Variants in FSTL5 observed in about 807,000 individuals in gnomAD.
FSTL5 encodes the protein follistatin like 5, also known as follistatin-related protein 5.
Under a neutral mutation model 89.1 loss-of-function variants are expected in FSTL5, and 62 were observed. The observed-to-expected ratio is 0.70, with a 90% CI of 0.57 to 0.86. The LOEUF (loss-of-function observed/expected upper bound fraction) is 0.86, where lower values mean the gene tolerates loss of function less well. Among genes scored for constraint, FSTL5 ranks in the 40% least tolerant of loss-of-function variants. FSTL5 has a pLI of 0.00. For missense variants in FSTL5, 1,057 were observed against 1,001.6 expected (o/e 1.06, Z -0.75); for synonymous variants, 383 against 346.2 (o/e 1.11, Z -1.18).
intron 3 of FSTL5, among the ~76,000 whole-genome samples, chr4:162,019,070 T>C (rs1372455315): frequency 1.3e-5 from 2 of 152,158 alleles, no homozygotes; most frequent in Admixed American, 6.5e-5. Context: ...ACATTTGACT[T>C]TGTCAGTCAC....
At chr4:162,028,541 C>A (rs1264945039) in intron 3 of FSTL5, among the ~76,000 whole-genome samples, 3 of 152,164 alleles carry the variant, frequency 2.0e-5, no homozygotes, top group Admixed American at 1.3e-4. Context: ...CTTGCCACTG[C>A]ACTCCAGCCT....
At chr4:161,908,785 T>A (rs2110821210) in intron 4 of FSTL5, among the ~76,000 whole-genome samples, 1 of 152,246 alleles carries the variant, frequency 6.6e-6, no homozygotes, top group South Asian at 2.1e-4. Flanking sequence ...CACAGCACAA[T>A]GGCTAGTCTC....
At chr4:162,133,968 C>T (rs1206375356) in intron 1 of FSTL5, among the ~76,000 whole-genome samples, 1 of 152,128 alleles carries the variant, frequency 6.6e-6, no homozygotes, top group African/African-American at 2.4e-5. Flanking sequence ...ATTGGAAGGG[C>T]AATTAATCTT....
chr4:161,414,202 C>G (rs1400153075), intron 15 of FSTL5, among the ~76,000 whole-genome samples: 1 of 151,858 alleles, frequency 6.6e-6, no homozygotes, highest in Non-Finnish European at 1.5e-5. Context: ...ATAGTGAAAA[C>G]AAGTAGAAAT....
chr4:161,575,563 C>A (rs10024563), intron 8 of FSTL5, among the ~76,000 whole-genome samples: 7,170 of 152,014 alleles, frequency 0.047, 250 homozygotes, highest in East Asian at 0.16. Flanking sequence ...AAATGAATCT[C>A]CTGCCTCAGC....
At chr4:161,414,358 G>T (rs1731702417) in intron 15 of FSTL5, among the ~76,000 whole-genome samples, 1 of 152,032 alleles carries the variant, frequency 6.6e-6, no homozygotes, top group South Asian at 2.1e-4. Flanking sequence ...ATCTGTAGAA[G>T]ACCATAATAG....
chr4:162,001,593 A>G (rs1202168366), intron 3 of FSTL5, among the ~76,000 whole-genome samples: 1 of 98,156 alleles, frequency 1.0e-5, no homozygotes, highest in Non-Finnish European at 2.0e-5. Flanking sequence ...CTAAGGATAC[A>G]TGCATTGTGT....
chr4:161,666,300 A>G (rs576433271), intron 6 of FSTL5, among the ~76,000 whole-genome samples: 105 of 152,304 alleles, frequency 6.9e-4, no homozygotes, highest in African/African-American at 2.4e-3. Flanking sequence ...AAAATCTGAA[A>G]ATTGCTGAAC....
At chr4:161,766,085 C>T (rs537938310) in intron 5 of FSTL5, among the ~76,000 whole-genome samples, 20 of 152,202 alleles carry the variant, frequency 1.3e-4, no homozygotes, top group African/African-American at 2.6e-4. Flanking sequence ...TGAGCCACCG[C>T]GCCAGCTCCT....
chr4:161,879,650 C>A (rs150273063), intron 4 of FSTL5, among the ~76,000 whole-genome samples: 3 of 152,294 alleles, frequency 2.0e-5, no homozygotes, highest in Non-Finnish European at 4.4e-5. Context: ...ACCTCAGAAC[C>A]TTTTCAAGCT....
intron 4 of FSTL5, among the ~76,000 whole-genome samples, chr4:161,913,246 T>G (rs1228261542): frequency 6.6e-6 from 1 of 151,998 alleles, no homozygotes; most frequent in African/African-American, 2.4e-5. Flanking sequence ...GGGGAAAATG[T>G]CTCCAGGCCA....
intron 2 of FSTL5, among the ~76,000 whole-genome samples, chr4:162,069,318 T>C (rs1729499147): frequency 1.3e-5 from 2 of 152,162 alleles, no homozygotes; most frequent in South Asian, 2.1e-4. Context: ...AATATATGTA[T>C]ACAACATGTA....
At chr4:161,731,691 G>A (rs1324533581) in intron 6 of FSTL5, among the ~76,000 whole-genome samples, 1 of 151,490 alleles carries the variant, frequency 6.6e-6, no homozygotes, top group Non-Finnish European at 1.5e-5. Context: ...AACAGTGACT[G>A]TTTCTTGATT....
chr4:161,669,123 A>AAAAAT (rs1553956606), intron 6 of FSTL5, among the ~76,000 whole-genome samples: 6,070 of 143,194 alleles, frequency 0.042, 270 homozygotes, highest in South Asian at 0.16. Context: ...AAAAAAAAAA[A>AAAAAT]AAAATAAAAT....
At chr4:162,095,715 A>T (rs1730722809) in intron 2 of FSTL5, among the ~76,000 whole-genome samples, 1 of 152,022 alleles carries the variant, frequency 6.6e-6, no homozygotes, top group African/African-American at 2.4e-5. Context: ...GGGAAAATTA[A>T]ATGATATTGT....
chr4:161,418,198 T>C (rs1560885399), intron 15 of FSTL5, among the ~76,000 whole-genome samples: 1 of 152,154 alleles, frequency 6.6e-6, no homozygotes, highest in Non-Finnish European at 1.5e-5. Flanking sequence ...TGCCCTGCTA[T>C]GGGATGGCAT....
intron 1 of FSTL5, among the ~76,000 whole-genome samples, chr4:162,132,491 C>T (rs1192969379): frequency 2.6e-5 from 4 of 152,094 alleles, no homozygotes; most frequent in Non-Finnish European, 5.9e-5. Flanking sequence ...GAACCAACTC[C>T]GGACATGCCG....
At chr4:161,519,419 G>A (rs140137800) in intron 10 of FSTL5, among the ~76,000 whole-genome samples, 3 of 152,120 alleles carry the variant, frequency 2.0e-5, no homozygotes, top group African/African-American at 4.8e-5. Flanking sequence ...CCCGCTACTC[G>A]GGGGGCTGAG....
At chr4:161,416,214 A>G (rs950107723) in intron 15 of FSTL5, among the ~76,000 whole-genome samples, 1 of 152,186 alleles carries the variant, frequency 6.6e-6, no homozygotes, top group African/African-American at 2.4e-5. Flanking sequence ...TTTTTCTCTG[A>G]TGAGTATGAA....
Sources: gnomAD v4.1 joint callset for allele counts (sites outside exome capture counted in the v4.1 genomes callset) on GRCh38, gnomAD v4.1.1 for gene constraint, MANE v1.5 for transcripts, NCBI Gene and HGNC (gene_info 2026-07-23, HGNC 2026-07-21) for gene names.